The following GALNT13 variants were observed in gnomAD, a reference collection of about 807,000 sequenced individuals.
GALNT13 encodes UDP-GalNAc:polypeptide N-acetylgalactosaminyltransferase 13.
Under a neutral mutation model 64.2 loss-of-function variants are expected in GALNT13, and 28 were observed. The ratio of observed to expected loss-of-function variants is 0.44; its 90% CI spans 0.32 to 0.60. GALNT13 has a LOEUF of 0.60. Ranked by LOEUF, GALNT13 falls within the 20% of genes least tolerant of loss-of-function variation. GALNT13 has a pLI of 0.05. For missense variants in GALNT13, 577 were observed against 669.8 expected, an observed-to-expected ratio of 0.86 and a Z score of 1.53; for synonymous variants, 214 against 224.6, an observed-to-expected ratio of 0.95 and a Z score of 0.42.
chr2:153,780,854 G>A, the GALNT13 span, among the ~76,000 whole-genome samples: 11 of 152,304 alleles, frequency 7.2e-5, no homozygotes, highest in South Asian at 2.3e-3. Flanking sequence ...CAGGGATACA[G>A]TGATGGCTAA....
chr2:154,210,308 A>ATC (rs1286197049), intron 4 of GALNT13, among the ~76,000 whole-genome samples: 1 of 152,182 alleles, frequency 6.6e-6, no homozygotes, highest in Non-Finnish European at 1.5e-5. Context: ...GGAAAGAGAT[A>ATC]TCTCTTCAGC....
chr2:154,286,545 G>A, intron 8 of GALNT13: 1 of 167,248 alleles, frequency 6.0e-6, no homozygotes, highest in Admixed American at 6.2e-5. Context: ...ATAAAAATAT[G>A]GTCAGAGTGG....
the GALNT13 span, among the ~76,000 whole-genome samples, chr2:153,665,669 G>A: frequency 2.0e-5 from 3 of 152,168 alleles, no homozygotes; most frequent in Non-Finnish European, 4.4e-5. Flanking sequence ...AGAGAAGCTG[G>A]AAGCCCTGAA....
intron 4 of GALNT13, among the ~76,000 whole-genome samples, chr2:154,144,301 T>C (rs1443594509): frequency 6.6e-6 from 1 of 152,128 alleles, no homozygotes; most frequent in African/African-American, 2.4e-5. Flanking sequence ...GAGTCACATA[T>C]CCAAACTGTT....
chr2:153,417,568 A>T, the GALNT13 span, among the ~76,000 whole-genome samples: 1 of 152,172 alleles, frequency 6.6e-6, no homozygotes, highest in African/African-American at 2.4e-5. Flanking sequence ...TTGAAGATGG[A>T]ACTATCAGGA....
chr2:153,324,964 A>C, the GALNT13 span, among the ~76,000 whole-genome samples: 1 of 152,094 alleles, frequency 6.6e-6, no homozygotes, highest in African/African-American at 2.4e-5. Context: ...TGTCTCCACC[A>C]GGTTTTGTTA....
the GALNT13 span, among the ~76,000 whole-genome samples, chr2:153,381,733 CT>C: frequency 2.0e-5 from 3 of 152,022 alleles, no homozygotes; most frequent in African/African-American, 7.2e-5. Flanking sequence ...CCCAGTTAAC[CT>C]TAAAAATGTC....
chr2:153,471,456 T>A, the GALNT13 span, among the ~76,000 whole-genome samples: 1 of 151,806 alleles, frequency 6.6e-6, no homozygotes, highest in East Asian at 1.9e-4. Flanking sequence ...AGAGAAGGAA[T>A]TTACAACCTT....
chr2:153,613,980 G>A, the GALNT13 span, among the ~76,000 whole-genome samples: 1 of 151,840 alleles, frequency 6.6e-6, no homozygotes, highest in Admixed American at 6.6e-5. Flanking sequence ...CCTGCACGTT[G>A]TGCACATGTA....
chr2:153,868,008 C>A (rs1359222476), upstream of GALNT13, among the ~76,000 whole-genome samples: 2 of 152,072 alleles, frequency 1.3e-5, no homozygotes, highest in Non-Finnish European at 2.9e-5. Context: ...GGGTTGCAGA[C>A]CTTTGGGTTA....
chr2:154,190,438 T>C (rs989229332), intron 4 of GALNT13, among the ~76,000 whole-genome samples: 4 of 152,210 alleles, frequency 2.6e-5, no homozygotes, highest in Non-Finnish European at 5.9e-5. Context: ...AATATAATTA[T>C]AGCACAAATG....
chr2:153,433,486 G>A, the GALNT13 span, among the ~76,000 whole-genome samples: 7 of 152,028 alleles, frequency 4.6e-5, no homozygotes, highest in Admixed American at 3.3e-4. Context: ...CGTTAACTTT[G>A]TTTTCTTTTC....
chr2:153,554,250 C>T, the GALNT13 span, among the ~76,000 whole-genome samples: 21 of 151,554 alleles, frequency 1.4e-4, no homozygotes, highest in South Asian at 4.2e-4. Context: ...AGGAGAATGG[C>T]GTGAACCCAG....
the GALNT13 span, among the ~76,000 whole-genome samples, chr2:153,838,622 C>A: frequency 6.6e-6 from 1 of 151,754 alleles, no homozygotes; most frequent in Admixed American, 6.6e-5. Context: ...TCTATTGGTG[C>A]AAAAGTCTGT....
chr2:154,145,908 A>G (rs1389515575), intron 4 of GALNT13, among the ~76,000 whole-genome samples: 1 of 152,004 alleles, frequency 6.6e-6, no homozygotes. Context: ...GAAAATGAGA[A>G]TATTAATTGG....
At chr2:153,989,600 A>G (rs150390643) in intron 3 of GALNT13, among the ~76,000 whole-genome samples, 13 of 152,126 alleles carry the variant, frequency 8.5e-5, no homozygotes, top group Middle Eastern at 3.4e-3. Context: ...GGCAAGGTGG[A>G]TTACGTAAGG....
chr2:153,858,529 G>A, the GALNT13 span, among the ~76,000 whole-genome samples: 1 of 152,102 alleles, frequency 6.6e-6, no homozygotes, highest in Non-Finnish European at 1.5e-5. Flanking sequence ...CCAAAAGTAG[G>A]TGAGTTCAGT....
chr2:154,402,307 A>G lies in GALNT13; in HGVS notation c.1296+6177A>G, dbSNP rs559254131. 4.6e-5 allele frequency among the ~76,000 whole-genome samples: 7 copies of G among 152,254 alleles called. No individual in the cohort carries two copies. The South Asian group carries it at 1.0e-3, about 23-fold the overall frequency. On this transcript the variant is annotated intron_variant, in intron 10 of 12. Coordinates refer to ENST00000392825, the MANE Select transcript of GALNT13 (RefSeq NM_052917.4). ...AATTCTCATTGCTACTTGCTTTTAC[A>G]TTCCAGCAGAGGGAGCAAAAGCTAG...
chr2:153,663,370 G>C, the GALNT13 span, among the ~76,000 whole-genome samples: 7 of 152,116 alleles, frequency 4.6e-5, no homozygotes, highest in Non-Finnish European at 1.0e-4. Context: ...GGTAAGAGGA[G>C]GCCAATGTTG....
Sources: gnomAD v4.1 joint callset for allele counts (sites outside exome capture counted in the v4.1 genomes callset) on GRCh38, gnomAD v4.1.1 for gene constraint, MANE v1.5 for transcripts, NCBI Gene and HGNC (gene_info 2026-07-23, HGNC 2026-07-21) for gene names.